The following SYN2 variants were observed in gnomAD, a reference collection of about 807,000 sequenced individuals.
SYN2 encodes the protein synapsin-2.
A neutral mutation model predicts 50.9 loss-of-function variants in SYN2; 19 were observed. That is an observed-to-expected ratio of 0.37 (90% CI 0.26 to 0.55). SYN2 has a LOEUF of 0.55. Ranked by LOEUF, SYN2 falls within the 20% of genes least tolerant of loss-of-function variation. SYN2 has a pLI of 0.81. For missense variants in SYN2, 587 were observed against 576.4 expected, an observed-to-expected ratio of 1.02 and a Z score of -0.19; for synonymous variants, 255 against 224.9, an observed-to-expected ratio of 1.13 and a Z score of -1.20.
At chr3:12,156,739 G>A (rs1003282203) in intron 5 of SYN2, 1 of 1,145,272 alleles carries the variant, frequency 8.7e-7, no homozygotes, top group East Asian at 2.4e-5. Flanking sequence ...ACTGCCCAAG[G>A]AAGACCCTGG....
intron 1 of SYN2, among the ~76,000 whole-genome samples, chr3:12,133,509 CGTT>C (rs1696833370): frequency 6.6e-6 from 1 of 152,130 alleles, no homozygotes; most frequent in African/African-American, 2.4e-5. Flanking sequence ...TTTTAAATGT[CGTT>C]GTCATTTCCC....
intron 2 of SYN2, among the ~76,000 whole-genome samples, 166 bp from the exon 3 acceptor site, chr3:12,141,739 G>C (rs1697024221): frequency 6.6e-6 from 1 of 152,182 alleles, no homozygotes; most frequent in South Asian, 2.1e-4. Flanking sequence ...AATTATCTCT[G>C]TCCCACCTTC....
intron 1 of SYN2, among the ~76,000 whole-genome samples, chr3:12,062,323 A>G (rs1695129479): frequency 6.6e-6 from 1 of 152,010 alleles, no homozygotes; most frequent in Admixed American, 6.6e-5. Flanking sequence ...TAGTGAACCT[A>G]GACACAAATC....
At chr3:12,141,821 T>A in intron 2 of SYN2, 84 bp from the exon 3 acceptor site, 1 of 751,062 alleles carries the variant, frequency 1.3e-6, no homozygotes, top group South Asian at 1.4e-5. Flanking sequence ...TATAAATGTT[T>A]GGTGGTAGGG....
chr3:12,172,622 C>G (rs1325026801), intron 10 of SYN2, among the ~76,000 whole-genome samples: 1 of 152,214 alleles, frequency 6.6e-6, no homozygotes, highest in Non-Finnish European at 1.5e-5. Flanking sequence ...GAAAGCTCCT[C>G]TGAGCTTCAG....
intron 10 of SYN2, among the ~76,000 whole-genome samples, chr3:12,181,713 T>TG (rs1698225282): frequency 2.0e-5 from 3 of 151,882 alleles, no homozygotes; most frequent in Non-Finnish European, 4.4e-5. Flanking sequence ...GAAGATAGAT[T>TG]GGAAAGAAAA....
chr3:12,177,539 G>C (rs772997351), intron 10 of SYN2, among the ~76,000 whole-genome samples: 1 of 152,114 alleles, frequency 6.6e-6, no homozygotes, highest in Non-Finnish European at 1.5e-5. Context: ...TCTGATCCCC[G>C]GCATGGGACT....
chr3:12,120,979 T>C (rs557073439), intron 1 of SYN2, among the ~76,000 whole-genome samples: 2 of 152,356 alleles, frequency 1.3e-5, no homozygotes, highest in South Asian at 2.1e-4. Flanking sequence ...ATCATAACTT[T>C]TTAGTCTCAT....
chr3:12,136,829 A>T (rs932888523), intron 1 of SYN2, among the ~76,000 whole-genome samples: 1 of 152,198 alleles, frequency 6.6e-6, no homozygotes, highest in Non-Finnish European at 1.5e-5. Flanking sequence ...AATAGGGGGA[A>T]ATTGACAACA....
At chr3:12,116,126 G>A (rs1696428895) in intron 1 of SYN2, among the ~76,000 whole-genome samples, 1 of 152,052 alleles carries the variant, frequency 6.6e-6, no homozygotes, top group African/African-American at 2.4e-5. Flanking sequence ...TAGGGGACGT[G>A]GCCTAGATAA....
At chr3:12,022,285 C>G (rs1359609503) in intron 1 of SYN2, among the ~76,000 whole-genome samples, 3 of 152,088 alleles carry the variant, frequency 2.0e-5, no homozygotes, top group African/African-American at 7.2e-5. Context: ...ATAGTCTCCT[C>G]CAAATATCAC....
chr3:12,018,746 T>G (rs1171116695), intron 1 of SYN2, among the ~76,000 whole-genome samples: 1 of 152,202 alleles, frequency 6.6e-6, no homozygotes, highest in Non-Finnish European at 1.5e-5. Context: ...TCCTAATTTC[T>G]TCATGAGATA....
At chr3:12,144,962 C>T (rs892038659) in intron 3 of SYN2, among the ~76,000 whole-genome samples, 3 of 152,012 alleles carry the variant, frequency 2.0e-5, no homozygotes, top group East Asian at 1.9e-4. Context: ...ACCTGGGAGG[C>T]GGAGGTTGCA....
intron 1 of SYN2, 33 bp downstream of exon 1, chr3:12,004,961 G>T (rs1394145857): frequency 2.1e-6 from 1 of 476,346 alleles, no homozygotes; most frequent in South Asian, 3.3e-5. Context: ...CTCGGGGGTC[G>T]GGGTCCGCCG....
intron 1 of SYN2, among the ~76,000 whole-genome samples, chr3:12,077,088 G>A (rs375131775): frequency 1.3e-5 from 2 of 152,100 alleles, no homozygotes; most frequent in African/African-American, 4.8e-5. Flanking sequence ...GCAGGTTTGC[G>A]ATGGGGCAAT....
intron 1 of SYN2, among the ~76,000 whole-genome samples, chr3:12,010,218 T>C (rs1376488636): frequency 6.6e-6 from 1 of 152,228 alleles, no homozygotes; most frequent in African/African-American, 2.4e-5. Flanking sequence ...AGGAACCCAT[T>C]TTTAAGTTAG....
chr3:12,050,527 G>A (rs1694833042), intron 1 of SYN2, among the ~76,000 whole-genome samples: 1 of 151,056 alleles, frequency 6.6e-6, no homozygotes, highest in Non-Finnish European at 1.5e-5. Flanking sequence ...TGTATTATTA[G>A]TAGACATGGG....
intron 7 of SYN2, among the ~76,000 whole-genome samples, chr3:12,166,013 G>C (rs1697782097): frequency 6.6e-6 from 1 of 152,170 alleles, no homozygotes; most frequent in South Asian, 2.1e-4. Context: ...AAGAATTTCA[G>C]CCTGCTCACA....
intron 1 of SYN2, among the ~76,000 whole-genome samples, chr3:12,109,773 A>G (rs1298631670): frequency 6.6e-6 from 1 of 152,226 alleles, no homozygotes; most frequent in Non-Finnish European, 1.5e-5. Flanking sequence ...AAGAGGCAAT[A>G]GAGTATATAA....
Sources: gnomAD v4.1 joint callset for allele counts (sites outside exome capture counted in the v4.1 genomes callset) on GRCh38, gnomAD v4.1.1 for gene constraint, MANE v1.5 for transcripts, NCBI Gene and HGNC (gene_info 2026-07-23, HGNC 2026-07-21) for gene names.